Variants in PROKR2 observed in about 807,000 individuals in gnomAD.
The protein encoded by PROKR2 is G protein-coupled receptor 73-like 1.
A neutral mutation model predicts 23.4 loss-of-function variants in PROKR2; 26 were observed. The observed-to-expected ratio is 1.11, with a 90% CI of 0.81 to 1.54. PROKR2 has a LOEUF of 1.54. PROKR2 is among the 40% of genes most tolerant of loss of function. The pLI, the probability that PROKR2 is intolerant of heterozygous loss-of-function variation, is 0.00. For synonymous variants in PROKR2, 212 were observed against 201.2 expected (o/e 1.05, Z -0.45); for missense variants, 453 against 511.5 (o/e 0.89, Z 1.10).
chr20:5,316,712 G>C lies in PROKR2; in HGVS notation c.-227C>G, dbSNP rs578098077. Among the ~76,000 whole-genome samples the C allele has an allele frequency of 6.6e-6, 1 of 152,350 alleles. No individual in the cohort carries two copies. Among genetic ancestry groups the C allele is most frequent in the South Asian group, 2.1e-4 (1 of 4,828 alleles). The stretch of plus-strand genomic sequence containing the variant: ...GGGTTCCAGCTGGAGTTGGCGCTCC[G>C]GCCCCACAGCTCTTTCCAGCGTCTC... On this transcript the variant is annotated 5_prime_UTR_variant, in exon 1 of 3. Coordinates refer to ENST00000678254, the MANE Select transcript of PROKR2 (RefSeq NM_144773.4). The surrounding 1 kb of genome is among the most constrained non-coding windows in gnomAD (Gnocchi z 5.0).
At chr20:5,304,456 C>T (rs1474564238) in intron 2 of PROKR2, among the ~76,000 whole-genome samples, 1 of 152,190 alleles carries the variant, frequency 6.6e-6, no homozygotes, top group African/African-American at 2.4e-5. Context: ...TCGTCTAACT[C>T]CTGCTCAGTT....
intron 2 of PROKR2, among the ~76,000 whole-genome samples, chr20:5,308,459 CGGCCCATCCCTTCATTTCG>C (rs560660841): frequency 0.043 from 1,763 of 40,840 alleles, 35 homozygotes; most frequent in African/African-American, 0.17. Context: ...CCCTTTATTT[CGGCCCATCCCTTCATTTCG>C]GCCCATCCCT....
chr20:5,305,977 T>C (rs1259428663), intron 2 of PROKR2, among the ~76,000 whole-genome samples: 1 of 152,154 alleles, frequency 6.6e-6, no homozygotes. Context: ...CAACATATGA[T>C]GCATGAAATG....
At chr20:5,304,353 C>CTGATTTATAAAT (rs1979135004) in intron 2 of PROKR2, among the ~76,000 whole-genome samples, 1 of 152,182 alleles carries the variant, frequency 6.6e-6, no homozygotes, top group Non-Finnish European at 1.5e-5. Context: ...TCAGTATGGA[C>CTGATTTATAAAT]CAGGTTCTCC....
intron 2 of PROKR2, among the ~76,000 whole-genome samples, chr20:5,310,589 A>G (rs1600585539): frequency 1.7e-5 from 1 of 58,560 alleles, no homozygotes; most frequent in East Asian, 5.5e-4. Flanking sequence ...AGAGAAGAGG[A>G]TCCTTACTCT....
At chr20:5,311,384 G>A (rs1979437857) in intron 2 of PROKR2, among the ~76,000 whole-genome samples, 1 of 152,176 alleles carries the variant, frequency 6.6e-6, no homozygotes, top group African/African-American at 2.4e-5. Flanking sequence ...GGTTGGGGCA[G>A]AGTTGGTTTG....
chr20:5,312,604 A>C (rs755364491), intron 2 of PROKR2, among the ~76,000 whole-genome samples: 2 of 152,240 alleles, frequency 1.3e-5, no homozygotes, highest in African/African-American at 4.8e-5. Context: ...TGTGTATTTT[A>C]TTACTAAAAT....
rs142870109 is a variant in PROKR2 at position 5,316,923 on chromosome 20, C to G, written c.-438G>C. Among the ~76,000 whole-genome samples, 141 of 152,386 alleles carry G rather than the reference C, an allele frequency of 9.3e-4. No individual in the cohort carries two copies. The highest frequency in any genetic ancestry group is 4.8e-3 in the South Asian group (23 of 4,828). On this transcript the variant is annotated 5_prime_UTR_variant, in exon 1 of 3. Transcript: ENST00000678254. The surrounding 1 kb of genome is among the most constrained non-coding windows in gnomAD (Gnocchi z 5.0). ...GTCCCCGGCAGCGGGGGCAGCCTCT[C>G]GCACGGATTTCAGCGCCTTCGCATC...
rs763157074 is a variant in PROKR2 at position 5,314,160 on chromosome 20, A to G, written c.210T>C (p.Gly70=). 2 of 1,614,206 alleles carry G rather than the reference A, an allele frequency of 1.2e-6. No individual in the cohort carries two copies. Among genetic ancestry groups the G allele is most frequent in the South Asian group, 2.2e-5 (2 of 91,090 alleles). Residue 70 remains glycine (G), a synonymous_variant, in exon 2 of 3, where the codon GGT becomes GGC. Coordinates refer to ENST00000678254, the MANE Select transcript of PROKR2 (RefSeq NM_144773.4). ...TGAGGGCAGCGATAAAGACAAAGTT[A>G]CCGATGCCGCAGACCAGCATGATGC... is the stretch of plus-strand genomic sequence containing the variant. ...LAGIMLVCGI[G]NFVFIAALTR...
At chr20:5,302,823 T>C (rs571822115) in intron 2 of PROKR2, 87 bp from the exon 3 acceptor site, 227 of 959,452 alleles carry the variant, frequency 2.4e-4, no homozygotes, top group Admixed American at 4.9e-4. Flanking sequence ...ACTAAAGCAG[T>C]GGCACAGTGA....
rs1179887564 is a variant in PROKR2 at position 5,300,758 on chromosome 20, G to C, written c.*1282C>G. ...CTTTTGTAAAAGAGGGAGTGTTCTA[G>C]AAAGTGGTCCAGTCCTTAGCAAAAT... is the stretch of plus-strand genomic sequence containing the variant. On this transcript the variant is annotated 3_prime_UTR_variant, in exon 3 of 3. Coordinates refer to ENST00000678254, the MANE Select transcript of PROKR2 (RefSeq NM_144773.4). Among the ~76,000 whole-genome samples the C allele has an allele frequency of 6.6e-6, 1 of 152,186 alleles. No individual in the cohort carries two copies. The highest frequency in any genetic ancestry group is 1.5e-5 in the Non-Finnish European group (1 of 68,032).
chr20:5,316,476 A>G lies in PROKR2; in HGVS notation c.-9+18T>C, dbSNP rs1022273519. ...CGCACCGACTGAGTCCCGGGACTGC[A>G]GGGATCTAAGCCCTTACCTGTCTCG... On this transcript the variant is annotated intron_variant, in intron 1 of 2. Transcript: ENST00000678254. The surrounding 1 kb of genome is among the most constrained non-coding windows in gnomAD (Gnocchi z 5.0). 2 of 430,602 alleles carry G rather than the reference A, an allele frequency of 4.6e-6. No homozygotes were observed. Among genetic ancestry groups the G allele is most frequent in the Non-Finnish European group, 9.3e-6 (2 of 214,218 alleles). 26.7% of individuals were successfully genotyped at this position (430,602 alleles called of 1,614,324 possible).
At chr20:5,303,854 AG>A (rs1979107520) in intron 2 of PROKR2, among the ~76,000 whole-genome samples, 1 of 152,162 alleles carries the variant, frequency 6.6e-6, no homozygotes, top group African/African-American at 2.4e-5. Context: ...GCTGGTAAAC[AG>A]GCCCCCCAAA....
rs372651342 is a variant in PROKR2 at position 5,314,165 on chromosome 20, T to C, written c.205A>G (p.Ile69Val). ...GCAGCGATAAAGACAAAGTTACCGA[T>C]GCCGCAGACCAGCATGATGCCTGCC... ...ALAGIMLVCGIGNFVFIAALT... is the reference protein window; with the variant it reads ...ALAGIMLVCGVGNFVFIAALT... Residue 69 changes from isoleucine (I) to valine (V), a missense_variant, in exon 2 of 3, where the codon ATC becomes GTC. Coordinates refer to ENST00000678254, the MANE Select transcript of PROKR2 (RefSeq NM_144773.4). 9.6e-5 allele frequency: 155 copies of C among 1,614,100 alleles called. No individual in the cohort carries two copies. The highest frequency in any genetic ancestry group is 1.2e-4 in the Non-Finnish European group (136 of 1,180,042).
At chr20:5,306,372 T>C (rs6053275) in intron 2 of PROKR2, among the ~76,000 whole-genome samples, 63,989 of 152,030 alleles carry the variant, frequency 0.42, 13,708 homozygotes, top group East Asian at 0.52. Flanking sequence ...CCAGGATTGC[T>C]TTCTCCTGCT....
chr20:5,307,414 C>G (rs998800520), intron 2 of PROKR2, among the ~76,000 whole-genome samples: 16 of 152,174 alleles, frequency 1.1e-4, no homozygotes, highest in African/African-American at 3.6e-4. Flanking sequence ...TGCAGTTACA[C>G]ATGCTTTCTG....
At chr20:5,304,835 A>G (rs891097659) in intron 2 of PROKR2, among the ~76,000 whole-genome samples, 10 of 152,320 alleles carry the variant, frequency 6.6e-5, no homozygotes, top group Admixed American at 2.0e-4. Flanking sequence ...GCTAATCCCG[A>G]TTGCCAGGCT....
At chr20:5,310,684 T>C (rs927797515) in intron 2 of PROKR2, among the ~76,000 whole-genome samples, 1 of 39,522 alleles carries the variant, frequency 2.5e-5, no homozygotes, top group Non-Finnish European at 5.0e-5. Flanking sequence ...AAGAACTCTC[T>C]GTAGAGCTGT....
Position 5,314,393 on chromosome 20 carries a change from T to C in PROKR2, c.-8-16A>G, listed in dbSNP as rs749341108. ...ATGGTGATGTCTGCAAGAAAAGTGG[T>C]GTGAGGGAGGTGCGAGGGGTGAGGG... is the stretch of plus-strand genomic sequence containing the variant. On this transcript the variant is annotated splice_polypyrimidine_tract_variant and intron_variant, in intron 1 of 2. Coordinates refer to ENST00000678254, the MANE Select transcript of PROKR2 (RefSeq NM_144773.4). 6.2e-7 allele frequency: 1 copy of C among 1,607,462 alleles called. No homozygotes were observed. The highest frequency in any genetic ancestry group is 8.5e-7 in the Non-Finnish European group (1 of 1,174,810).
Sources: allele counts gnomAD v4.1 joint callset (sites outside exome capture counted in the v4.1 genomes callset), GRCh38; gene constraint gnomAD v4.1.1; non-coding constraint Gnocchi (gnomAD v3.1); transcripts MANE v1.5; gene names NCBI Gene and HGNC (gene_info 2026-07-23, HGNC 2026-07-21).